PTPRN2: variants seen among roughly 807,000 people sequenced by gnomAD.
PTPRN2 encodes receptor-type tyrosine-protein phosphatase N2.
A neutral mutation model predicts 118.8 loss-of-function variants in PTPRN2; 74 were observed. That is an observed-to-expected ratio of 0.62 (90% confidence interval 0.52 to 0.76). PTPRN2 has a LOEUF of 0.76. PTPRN2 is among the 30% of genes least tolerant of loss of function. PTPRN2 has a pLI of 0.00. For synonymous variants in PTPRN2, 641 were observed against 608.0 expected, an observed-to-expected ratio of 1.05 and a Z score of -0.80; for missense variants, 1,481 against 1,394.4, an observed-to-expected ratio of 1.06 and a Z score of -0.99.
intron 3 of PTPRN2, among the ~76,000 whole-genome samples, chr7:158,226,383 G>C (rs1828778582): frequency 6.6e-6 from 1 of 152,152 alleles, no homozygotes; most frequent in South Asian, 2.1e-4. Flanking sequence ...CTGGGGAAGA[G>C]GAAATCACAA....
At chr7:158,429,214 G>A (rs1371298611) in intron 2 of PTPRN2, among the ~76,000 whole-genome samples, 3 of 152,198 alleles carry the variant, frequency 2.0e-5, no homozygotes, top group Non-Finnish European at 2.9e-5. Context: ...TCCTGAAGCC[G>A]AGAGCACTGG....
chr7:158,201,976 A>G (rs1173577295), intron 4 of PTPRN2, among the ~76,000 whole-genome samples: 1 of 152,242 alleles, frequency 6.6e-6, no homozygotes, highest in Non-Finnish European at 1.5e-5. Flanking sequence ...TTGGCTCAGA[A>G]TACATCTCTA....
chr7:157,810,194 CGTT>C (rs1235177813), intron 12 of PTPRN2, among the ~76,000 whole-genome samples: 1 of 152,234 alleles, frequency 6.6e-6, no homozygotes, highest in Non-Finnish European at 1.5e-5. Context: ...TAAAGCCAAC[CGTT>C]GTTGTTTAAG....
At position 158,506,895 on chromosome 7, in the gene PTPRN2, A is replaced by G. The variant is rs368324815; in HGVS notation, c.113-17110T>C. ...TGGCAGGTGCATGGGCAGAGACACT[A>G]GGGCCAGCCCAGCCCGGAGCAGCCA... On this transcript the variant is annotated intron_variant, in intron 1 of 22. Transcript: ENST00000389418. Among the ~76,000 whole-genome samples the G allele has an allele frequency of 4.3e-4, 65 of 152,280 alleles. 3 individuals carry two copies. The South Asian group carries it at 5.0e-3, about 12-fold the overall frequency.
Position 158,262,772 on chromosome 7 carries a change from TCA to T in PTPRN2, c.277+54045_277+54046del, listed in dbSNP as rs530546112. On this transcript the variant is annotated intron_variant, in intron 3 of 22. Transcript: ENST00000389418. ...ATATACACACACTGCACACACACAT[TCA>T]CACACACTACACACATACACATTCA... Among the ~76,000 whole-genome samples, 364 of 113,890 alleles carry T rather than the reference TCA, an allele frequency of 3.2e-3. 1 individual carries two copies. Among genetic ancestry groups the T allele is most frequent in the Non-Finnish European group, 4.9e-3 (266 of 54,260 alleles). 74.7% of individuals were successfully genotyped at this position (113,890 alleles called of 152,430 possible). A position where few individuals can be genotyped will look rare whatever the true frequency, so the allele number is the denominator to read the frequency against.
At chr7:157,879,836 TAAAAAAA>T (rs11459962) in intron 12 of PTPRN2, among the ~76,000 whole-genome samples, 12 of 119,774 alleles carry the variant, frequency 1.0e-4, no homozygotes, top group African/African-American at 3.7e-4. Flanking sequence ...ACGTCTTTGT[TAAAAAAA>T]AAAAAAAAAA....
At chr7:157,613,028 T>C (rs920059525) in intron 15 of PTPRN2, among the ~76,000 whole-genome samples, 1 of 151,770 alleles carries the variant, frequency 6.6e-6, no homozygotes, top group African/African-American at 2.4e-5. Flanking sequence ...GGGGCCGGGG[T>C]GCTTCCGGCC....
intron 13 of PTPRN2, among the ~76,000 whole-genome samples, chr7:157,659,965 G>C (rs143332509): frequency 6.6e-6 from 1 of 151,990 alleles, no homozygotes; most frequent in East Asian, 1.9e-4. Flanking sequence ...GGCTGGTCTC[G>C]AACTCCTGAC....
At chr7:158,182,896 T>TC (rs1337209460) in intron 5 of PTPRN2, among the ~76,000 whole-genome samples, 1 of 152,190 alleles carries the variant, frequency 6.6e-6, no homozygotes, top group Non-Finnish European at 1.5e-5. Context: ...AGTATTGAGG[T>TC]CCCCCAGTGT....
intron 11 of PTPRN2, among the ~76,000 whole-genome samples, chr7:157,956,960 C>G (rs1046019559): frequency 2.6e-5 from 4 of 152,232 alleles, no homozygotes; most frequent in African/African-American, 9.7e-5. Context: ...AAACCTGCAT[C>G]TGAGCCCATT....
chr7:157,810,568 G>A (rs1276227565), intron 12 of PTPRN2, among the ~76,000 whole-genome samples: 1 of 132,490 alleles, frequency 7.5e-6, no homozygotes, highest in Admixed American at 7.6e-5. Context: ...ACTGCTGGGG[G>A]CTGGGCTCTC....
At chr7:158,365,147 G>A (rs968580651) in intron 2 of PTPRN2, among the ~76,000 whole-genome samples, 10 of 152,162 alleles carry the variant, frequency 6.6e-5, no homozygotes, top group Admixed American at 1.3e-4. Flanking sequence ...ACTCGAAAGC[G>A]TTTCCCATAA....
At chr7:158,299,500 G>A (rs889220156) in intron 3 of PTPRN2, among the ~76,000 whole-genome samples, 2 of 152,134 alleles carry the variant, frequency 1.3e-5, no homozygotes, top group African/African-American at 4.8e-5. Flanking sequence ...GTTTCACCAT[G>A]TTGGCCAGGC....
chr7:158,097,843 A>G (rs1274783664), intron 10 of PTPRN2, among the ~76,000 whole-genome samples: 1 of 152,258 alleles, frequency 6.6e-6, no homozygotes. Flanking sequence ...CATATTCAGC[A>G]TAACTAGCAC....
At chr7:158,226,293 T>C (rs551353761) in intron 3 of PTPRN2, among the ~76,000 whole-genome samples, 4 of 152,220 alleles carry the variant, frequency 2.6e-5, no homozygotes, top group African/African-American at 7.2e-5. Context: ...AGAAGCAGAA[T>C]TGGTAAAAAT....
intron 3 of PTPRN2, among the ~76,000 whole-genome samples, chr7:158,315,243 G>A (rs867044763): frequency 0.013 from 1,299 of 99,688 alleles, no homozygotes; most frequent in Admixed American, 0.026. Flanking sequence ...ACCCCCTAAA[G>A]GACAGAGGTG....
At chr7:158,177,389 T>G (rs1824309254) in intron 5 of PTPRN2, among the ~76,000 whole-genome samples, 1 of 152,164 alleles carries the variant, frequency 6.6e-6, no homozygotes. Context: ...CGTTCAAAGT[T>G]TTTATACATT....
At chr7:158,222,608 G>C (rs1017002785) in intron 3 of PTPRN2, among the ~76,000 whole-genome samples, 35 of 152,280 alleles carry the variant, frequency 2.3e-4, no homozygotes, top group African/African-American at 7.2e-4. Flanking sequence ...GGGTTGAAAA[G>C]CTATAAGGGA....
intron 2 of PTPRN2, among the ~76,000 whole-genome samples, chr7:158,400,309 G>A (rs113729111): frequency 1.6e-3 from 247 of 152,230 alleles, no homozygotes; most frequent in African/African-American, 5.7e-3. Flanking sequence ...GTCATGCACA[G>A]AACCCATGCT....
Sources: allele counts gnomAD v4.1 joint callset (sites outside exome capture counted in the v4.1 genomes callset), GRCh38; gene constraint gnomAD v4.1.1; transcripts MANE v1.5; gene names NCBI Gene and HGNC (gene_info 2026-07-23, HGNC 2026-07-21).